The following PTPN3 variants were observed in gnomAD, a reference collection of about 807,000 sequenced individuals.
The protein encoded by PTPN3 is protein tyrosine phosphatase non-receptor type 3.
A neutral mutation model predicts 132.7 loss-of-function variants in PTPN3; 96 were observed. The ratio of observed to expected loss-of-function variants is 0.72; its 90% CI spans 0.61 to 0.86. The LOEUF is 0.86. Ranked by LOEUF, PTPN3 falls within the 40% of genes least tolerant of loss-of-function variation. The pLI, the probability that PTPN3 is intolerant of heterozygous loss-of-function variation, is 0.00. For missense variants in PTPN3, 1,125 were observed against 1,159.6 expected (o/e 0.97, Z 0.43); for synonymous variants, 398 against 429.0 (o/e 0.93, Z 0.89).
rs199792378 is a variant in PTPN3, at chr9:109,445,194, A to G, written c.466+46T>C. ...AACCAGTGACTTTCTCCACACACTG[A>G]TCAGAACAACCTGTCCATCCGTGAA... On this transcript the variant is annotated intron_variant, in intron 7 of 25. Coordinates refer to ENST00000374541, the MANE Select transcript of PTPN3 (RefSeq NM_002829.4). 177 of 1,578,374 alleles carry G rather than the reference A, an allele frequency of 1.1e-4. No individual in the cohort carries two copies. In the East Asian group the frequency reaches 3.9e-3, roughly 34 times the overall value.
chr9:109,534,211 C>G, the PTPN3 span: 3 of 1,310,734 alleles, frequency 2.3e-6, no homozygotes, highest in Admixed American at 3.4e-5. Context: ...TGTGAAGCCT[C>G]CCGGGCCACC....
At chr9:109,468,361 T>TTTTG (rs1554803727) in intron 1 of PTPN3, among the ~76,000 whole-genome samples, 2 of 151,908 alleles carry the variant, frequency 1.3e-5, no homozygotes, top group East Asian at 1.9e-4. Flanking sequence ...CAGTTTTTTT[T>TTTTG]TTTGTTTGTT....
intron 19 of PTPN3, among the ~76,000 whole-genome samples, chr9:109,396,972 C>T (rs1840657666): frequency 6.6e-6 from 1 of 152,090 alleles, no homozygotes; most frequent in Admixed American, 6.5e-5. Context: ...TGGCAAGGCC[C>T]AGCAAGTGGA....
chr9:109,394,178 A>C (rs1840366112), intron 19 of PTPN3, among the ~76,000 whole-genome samples: 1 of 152,248 alleles, frequency 6.6e-6, no homozygotes, highest in Admixed American at 6.5e-5. Context: ...TAACTGATTA[A>C]GTGAATATAA....
At chr9:109,395,563 G>C (rs1242908623) in intron 19 of PTPN3, among the ~76,000 whole-genome samples, 1 of 152,174 alleles carries the variant, frequency 6.6e-6, no homozygotes, top group Non-Finnish European at 1.5e-5. Flanking sequence ...GAGGTGGGCG[G>C]ATAGCTTAAG....
intron 12 of PTPN3, among the ~76,000 whole-genome samples, chr9:109,426,617 G>C (rs1843301945): frequency 6.6e-6 from 1 of 152,188 alleles, no homozygotes. Flanking sequence ...AGTGGCATCA[G>C]ACTGGGATAG....
the PTPN3 span, among the ~76,000 whole-genome samples, chr9:109,510,899 T>C: frequency 6.6e-6 from 1 of 152,088 alleles, no homozygotes; most frequent in Non-Finnish European, 1.5e-5. Flanking sequence ...TTCTAGATAA[T>C]GCTATGACTA....
chr9:109,448,935 A>C lies in PTPN3; in HGVS notation c.369-80T>G, dbSNP rs1845049887. 6 of 1,550,854 alleles carry C rather than the reference A, an allele frequency of 3.9e-6. No homozygotes were observed. The East Asian group carries it at 6.7e-5, about 17-fold the overall frequency. ...AAAAAAAAAGAAAGTTTGATGAGTC[A>C]AAGACAAGAGCTGTACATGTGAAAG... is the stretch of plus-strand genomic sequence containing the variant. On this transcript the variant is annotated intron_variant, in intron 5 of 25. Transcript: ENST00000374541.
chr9:109,533,752 G>T, the PTPN3 span: 1 of 1,417,610 alleles, frequency 7.1e-7, no homozygotes, highest in African/African-American at 1.4e-5. Context: ...AGGAAGGTGG[G>T]AACCTTCACC....
At chr9:109,383,885 C>T (rs574912431) in intron 22 of PTPN3, among the ~76,000 whole-genome samples, 50 of 151,980 alleles carry the variant, frequency 3.3e-4, no homozygotes, top group Non-Finnish European at 5.1e-4. Flanking sequence ...CCCTCCCAGA[C>T]CCCAGCCCCT....
chr9:109,435,234 G>A (rs926504156), intron 9 of PTPN3, among the ~76,000 whole-genome samples: 4 of 152,208 alleles, frequency 2.6e-5, no homozygotes, highest in African/African-American at 9.7e-5. Flanking sequence ...AGCATAGGAA[G>A]TTACTGTCTA....
At chr9:109,427,661 G>A (rs553752111) in intron 11 of PTPN3, among the ~76,000 whole-genome samples, 11 of 152,130 alleles carry the variant, frequency 7.2e-5, no homozygotes, top group Admixed American at 2.0e-4. Flanking sequence ...TTAAATTGCC[G>A]TCTTATACAT....
chr9:109,447,180 A>G (rs188178536), intron 6 of PTPN3, among the ~76,000 whole-genome samples: 1 of 152,334 alleles, frequency 6.6e-6, no homozygotes, highest in East Asian at 1.9e-4. Context: ...TGTTTGGAGA[A>G]GAAAAACTGA....
At chr9:109,496,145 A>G (rs969552800) in intron 1 of PTPN3, among the ~76,000 whole-genome samples, 2 of 152,250 alleles carry the variant, frequency 1.3e-5, no homozygotes, top group African/African-American at 4.8e-5. Flanking sequence ...AAAACGCAGG[A>G]TCAATACAGA....
chr9:109,416,687 T>A (rs549593687), intron 14 of PTPN3, among the ~76,000 whole-genome samples: 2 of 152,128 alleles, frequency 1.3e-5, no homozygotes, highest in Admixed American at 1.3e-4. Context: ...GATCAAGCAA[T>A]CTGACCAGCA....
intron 1 of PTPN3, among the ~76,000 whole-genome samples, chr9:109,473,247 C>T (rs1846466573): frequency 6.6e-6 from 1 of 152,038 alleles, no homozygotes; most frequent in Admixed American, 6.6e-5. Context: ...TTCTACAGAC[C>T]CTGTAATTTG....
chr9:109,467,913 C>T (rs1281927468), intron 1 of PTPN3, among the ~76,000 whole-genome samples: 1 of 152,184 alleles, frequency 6.6e-6, no homozygotes, highest in Non-Finnish European at 1.5e-5. Context: ...GGGCTTGAAA[C>T]CTAATGACAA....
chr9:109,440,807 C>T (rs112168880), intron 7 of PTPN3, among the ~76,000 whole-genome samples: 3 of 152,328 alleles, frequency 2.0e-5, no homozygotes, highest in African/African-American at 7.2e-5. Context: ...GACAAATGTT[C>T]TGAGCTTCGA....
intron 1 of PTPN3, among the ~76,000 whole-genome samples, chr9:109,492,885 T>C (rs1323494602): frequency 1.3e-5 from 2 of 152,246 alleles, no homozygotes; most frequent in Non-Finnish European, 2.9e-5. Context: ...GCTTCTCTAG[T>C]GCCGATGGAC....
Sources: gnomAD v4.1 joint callset for allele counts (sites outside exome capture counted in the v4.1 genomes callset) on GRCh38, gnomAD v4.1.1 for gene constraint, MANE v1.5 for transcripts, NCBI Gene and HGNC (gene_info 2026-07-23, HGNC 2026-07-21) for gene names.